The following ESR1 variants were observed in gnomAD, a reference collection of about 807,000 sequenced individuals.
The protein encoded by ESR1 is estrogen receptor 1.
Under a neutral mutation model 52.7 loss-of-function variants are expected in ESR1, and 12 were observed. That is an observed-to-expected ratio of 0.23 (90% confidence interval 0.15 to 0.37). The LOEUF (loss-of-function observed/expected upper bound fraction) is 0.37. Among genes scored for constraint, ESR1 ranks in the 10% least tolerant of loss-of-function variants. The pLI is 1.00. For missense variants in ESR1, 584 were observed against 779.7 expected (o/e 0.75, Z 2.99); for synonymous variants, 305 against 316.8 (o/e 0.96, Z 0.39).
At chr6:151,931,497 A>G (rs1314937152) in intron 3 of ESR1, among the ~76,000 whole-genome samples, 1 of 151,334 alleles carries the variant, frequency 6.6e-6, no homozygotes, top group African/African-American at 2.4e-5. Flanking sequence ...ACATGTGCAC[A>G]TTGTGCAGGT....
chr6:151,906,057 C>T (rs773836904), intron 3 of ESR1, among the ~76,000 whole-genome samples: 3 of 152,022 alleles, frequency 2.0e-5, no homozygotes, highest in East Asian at 3.9e-4. Flanking sequence ...ATTGCAACCT[C>T]GGCGTAAATG....
At chr6:152,058,061 C>A (rs757313277) in intron 5 of ESR1, among the ~76,000 whole-genome samples, 2 of 152,118 alleles carry the variant, frequency 1.3e-5, no homozygotes, top group Non-Finnish European at 2.9e-5. Flanking sequence ...CCTCCCCTGC[C>A]GGTGTGCAGT....
chr6:151,891,810 C>T (rs1351109944), intron 3 of ESR1, among the ~76,000 whole-genome samples: 1 of 152,040 alleles, frequency 6.6e-6, no homozygotes, highest in Non-Finnish European at 1.5e-5. Flanking sequence ...GGATATTACT[C>T]CTCTTCAACA....
At chr6:152,024,844 T>C (rs886337876) in intron 5 of ESR1, among the ~76,000 whole-genome samples, 6 of 150,376 alleles carry the variant, frequency 4.0e-5, no homozygotes, top group African/African-American at 1.5e-4. Flanking sequence ...ACATTATATG[T>C]ATGTTTATAC....
intron 4 of ESR1, among the ~76,000 whole-genome samples, chr6:151,946,200 A>C (rs2128538217): frequency 6.6e-6 from 1 of 152,328 alleles, no homozygotes; most frequent in African/African-American, 2.4e-5. Context: ...ACTAATGGTC[A>C]TATATTTGAG....
chr6:151,714,367 G>A (rs1325768224), intron 2 of ESR1, among the ~76,000 whole-genome samples: 1 of 152,038 alleles, frequency 6.6e-6, no homozygotes, highest in East Asian at 1.9e-4. Context: ...TGGTCCAGAG[G>A]TGAGTTCAAG....
At chr6:151,895,755 G>GTGGATTATCTTTTTGATATGC (rs1342090056) in intron 3 of ESR1, among the ~76,000 whole-genome samples, 2 of 152,128 alleles carry the variant, frequency 1.3e-5, no homozygotes, top group East Asian at 3.9e-4. Flanking sequence ...CTTGATCATT[G>GTGGATTATCTTTTTGATATGC]TGGATTATCT....
chr6:151,843,757 A>G (rs1225688599), intron 2 of ESR1, among the ~76,000 whole-genome samples: 1 of 152,162 alleles, frequency 6.6e-6, no homozygotes, highest in Non-Finnish European at 1.5e-5. Flanking sequence ...GATTTAAGTA[A>G]CTTGTTGAAA....
intron 2 of ESR1, among the ~76,000 whole-genome samples, chr6:151,780,205 CG>C (rs764805622): frequency 1.3e-5 from 2 of 151,154 alleles, no homozygotes; most frequent in African/African-American, 2.4e-5. Flanking sequence ...CAGGGCCTGT[CG>C]GGGGGTTGGG....
At chr6:151,780,205 C>T (rs539531624) in intron 2 of ESR1, among the ~76,000 whole-genome samples, 2 of 151,154 alleles carry the variant, frequency 1.3e-5, no homozygotes, top group South Asian at 2.1e-4. Flanking sequence ...CAGGGCCTGT[C>T]GGGGGGTTGG....
intron 4 of ESR1, among the ~76,000 whole-genome samples, chr6:151,973,613 C>T (rs1228462485): frequency 6.6e-6 from 1 of 152,158 alleles, no homozygotes; most frequent in Non-Finnish European, 1.5e-5. Context: ...CCTCTGTCTA[C>T]CCCTTTTCTG....
At chr6:152,029,636 C>G (rs1055949410) in intron 5 of ESR1, among the ~76,000 whole-genome samples, 10 of 152,110 alleles carry the variant, frequency 6.6e-5, no homozygotes, top group African/African-American at 2.4e-4. Flanking sequence ...AAATATGGGA[C>G]TATGTGAAAA....
chr6:151,731,819 G>A lies in ESR1; in HGVS notation c.-71+29814G>A, dbSNP rs1359584426. 2.6e-5 allele frequency among the ~76,000 whole-genome samples: 4 copies of A among 152,252 alleles called. 1 individual carries two copies. Among genetic ancestry groups the A allele is most frequent in the South Asian group, 4.1e-4 (2 of 4,822 alleles). The stretch of plus-strand genomic sequence containing the variant: ...ACTTTCATTTTGCAAGAATAAGATC[G>A]AGGTTAAATCTACAGTTATGTCTTG... On this transcript the variant is annotated intron_variant, in intron 2 of 2. Transcript: ENST00000404742.
At chr6:151,802,138 C>T (rs573954307), upstream of ESR1, among the ~76,000 whole-genome samples, 14 of 152,244 alleles carry the variant, frequency 9.2e-5, no homozygotes, top group South Asian at 2.9e-3. Flanking sequence ...ACATGTATTT[C>T]ATTGTATATA....
intron 2 of ESR1, among the ~76,000 whole-genome samples, chr6:151,777,224 T>G (rs1348219381): frequency 6.6e-6 from 1 of 151,300 alleles, no homozygotes; most frequent in Non-Finnish European, 1.5e-5. Context: ...TTCAAGCGAT[T>G]CTCCTGCCTC....
intron 1 of ESR1, among the ~76,000 whole-genome samples, chr6:151,701,584 C>G (rs1779800427): frequency 6.6e-6 from 1 of 150,380 alleles, no homozygotes; most frequent in Non-Finnish European, 1.5e-5. Context: ...ATCCCGTGGG[C>G]CTGAGTTGGT....
chr6:152,047,942 C>G (rs979586781), intron 5 of ESR1, among the ~76,000 whole-genome samples: 1 of 144,144 alleles, frequency 6.9e-6, no homozygotes. Context: ...TTCAGCTTCT[C>G]TGACTCCTCA....
chr6:151,801,326 G>A (rs535257701), upstream of ESR1, among the ~76,000 whole-genome samples: 5 of 152,146 alleles, frequency 3.3e-5, no homozygotes, highest in South Asian at 8.3e-4. Flanking sequence ...ATGCAACATA[G>A]GTACATTATA....
At chr6:151,793,630 G>T (rs982624917) in intron 2 of ESR1, among the ~76,000 whole-genome samples, 13 of 152,164 alleles carry the variant, frequency 8.5e-5, no homozygotes, top group African/African-American at 2.9e-4. Flanking sequence ...CATTAGGACA[G>T]CTACAATGTC....
Sources: allele counts gnomAD v4.1 joint callset (sites outside exome capture counted in the v4.1 genomes callset), GRCh38; gene constraint gnomAD v4.1.1; transcripts MANE v1.5; gene names NCBI Gene and HGNC (gene_info 2026-07-23, HGNC 2026-07-21).